SYTL2: variants seen among roughly 807,000 people sequenced by gnomAD.
SYTL2 encodes the protein synaptotagmin like 2, also known as synaptotagmin-like protein 2.
Under a neutral mutation model 198.7 loss-of-function variants are expected in SYTL2, and 165 were observed. The ratio of observed to expected loss-of-function variants is 0.83; its 90% CI spans 0.73 to 0.94. The LOEUF (loss-of-function observed/expected upper bound fraction) is 0.94, where lower values mean the gene tolerates loss of function less well. Among genes scored for constraint, SYTL2 ranks in the 40% least tolerant of loss-of-function variants. The pLI is 0.00. For synonymous variants in SYTL2, 966 were observed against 917.7 expected (o/e 1.05, Z -0.95); for missense variants, 2,835 against 2,582.8 (o/e 1.10, Z -2.12).
At chr11:85,730,971 G>A (rs2089756318) in intron 7 of SYTL2, among the ~76,000 whole-genome samples, 1 of 152,166 alleles carries the variant, frequency 6.6e-6, no homozygotes, top group Non-Finnish European at 1.5e-5. Context: ...AATCATGAGT[G>A]AACTCCCATT....
rs1388200791 is a variant in SYTL2, at chr11:85,724,723, C to T, written c.4635G>A (p.Glu1545=). 6 of 1,614,024 alleles carry T rather than the reference C, an allele frequency of 3.7e-6. No individual in the cohort carries two copies. Among genetic ancestry groups the T allele is most frequent in the Middle Eastern group, 1.6e-4 (1 of 6,062 alleles). Residue 1545 remains glutamate, a synonymous_variant, in exon 8 of 20, where the codon GAG becomes GAA. Coordinates refer to ENST00000359152, the MANE Select transcript of SYTL2 (RefSeq NM_206927.4). The part of the protein sequence containing the change: ...PRRATSECHP[E]ELKETVEKAE... The stretch of plus-strand genomic sequence containing the variant: ...CCTTTTCTACTGTTTCTTTTAATTC[C>T]TCAGGATGGCATTCAGAAGTGGCTC...
intron 1 of SYTL2, among the ~76,000 whole-genome samples, chr11:85,793,391 A>G (rs1387803296): frequency 2.0e-5 from 3 of 152,206 alleles, no homozygotes; most frequent in Non-Finnish European, 4.4e-5. Flanking sequence ...GATGGTGAGC[A>G]TAGTTTCAGA....
intron 16 of SYTL2, 63 bp downstream of exon 16, chr11:85,704,795 T>C: frequency 7.2e-7 from 1 of 1,380,172 alleles, no homozygotes. Context: ...AATTAAGCTT[T>C]TTCCTATACA....
intron 18 of SYTL2, 73 bp downstream of exon 18, chr11:85,697,906 T>C: frequency 2.2e-6 from 2 of 898,428 alleles, no homozygotes; most frequent in Non-Finnish European, 3.7e-6. Flanking sequence ...GTATTACAGA[T>C]ATAGAGAACC....
the SYTL2 span, among the ~76,000 whole-genome samples, chr11:85,823,890 G>C: frequency 1.3e-5 from 2 of 152,198 alleles, no homozygotes; most frequent in Non-Finnish European, 1.5e-5. Context: ...CTGACTACAG[G>C]ATGCTGTGGT....
intron 15 of SYTL2, among the ~76,000 whole-genome samples, chr11:85,707,206 C>A (rs2085318199): frequency 6.6e-6 from 1 of 152,188 alleles, no homozygotes; most frequent in Non-Finnish European, 1.5e-5. Context: ...CTGTGAGATG[C>A]AGATACCAAT....
Position 85,726,634 on chromosome 11 carries a change from A to G in SYTL2, c.2724T>C (p.Asn908=). 1 of 1,538,446 alleles carries G rather than the reference A, an allele frequency of 6.5e-7. No homozygotes were observed. Among genetic ancestry groups the G allele is most frequent in the Non-Finnish European group, 8.7e-7 (1 of 1,147,830 alleles). ...CCACTTGTGATCTTTTTATAGGCTCATTTTTCTTATTCTGAAACAGAGACA... is the reference window on the plus strand; with the variant it reads ...CCACTTGTGATCTTTTTATAGGCTCGTTTTTCTTATTCTGAAACAGAGACA... ...DKVSLFQNKK[N]EPIKRSQVAD... Residue 908 remains asparagine (N), a synonymous_variant, in exon 8 of 20, where the codon AAT becomes AAC. Coordinates refer to ENST00000359152, the MANE Select transcript of SYTL2 (RefSeq NM_206927.4).
At chr11:85,837,218 A>T in the SYTL2 span, among the ~76,000 whole-genome samples, 1 of 152,208 alleles carries the variant, frequency 6.6e-6, no homozygotes, top group Admixed American at 6.5e-5. Context: ...GCCCTAACCC[A>T]CAATGTGATT....
chr11:85,727,779 T>C lies in SYTL2; in HGVS notation c.1579A>G (p.Asn527Asp). The C allele has an allele frequency of 1.3e-6, 2 of 1,584,522 alleles. No individual in the cohort carries two copies. Among genetic ancestry groups the C allele is most frequent in the Non-Finnish European group, 1.7e-6 (2 of 1,164,714 alleles). ...TTGTCATCTGAATAAGAACTTCGGT[T>C]AAACCAGTCTAGAACTTTAAATATG... ...DSIFKVLDWF[N>D]RSSYSDDNKS... The change falls in exon 8 of 20, where the codon AAC becomes GAC. Residue 527 changes from asparagine to aspartate, a missense_variant. Physicochemically the swap from Asn to Asp is conservative, Grantham distance 23. This residue lies in a region of SYTL2 where 2,645 missense variants were observed against 2,381.7 expected (regional missense o/e 1.11). Coordinates refer to ENST00000359152, the MANE Select transcript of SYTL2 (RefSeq NM_206927.4).
chr11:85,738,451 GA>G (rs2090528942), intron 4 of SYTL2, among the ~76,000 whole-genome samples: 1 of 152,104 alleles, frequency 6.6e-6, no homozygotes, highest in South Asian at 2.1e-4. Context: ...GGATGGGAGG[GA>G]AAGGGGAGGG....
chr11:85,722,170 ATTTTT>A (rs574669583), intron 8 of SYTL2, among the ~76,000 whole-genome samples: 31 of 94,632 alleles, frequency 3.3e-4, no homozygotes, highest in East Asian at 9.3e-4. Context: ...TGTTTAGGTG[ATTTTT>A]TTTTTTTTTT....
At chr11:85,735,564 C>T (rs1017124544) in intron 6 of SYTL2, among the ~76,000 whole-genome samples, 14 of 152,246 alleles carry the variant, frequency 9.2e-5, no homozygotes, top group African/African-American at 3.1e-4. Flanking sequence ...TGAGACCAGC[C>T]TGGCCAAAAG....
chr11:85,781,288 A>T (rs781451372), intron 1 of SYTL2, among the ~76,000 whole-genome samples: 3 of 152,172 alleles, frequency 2.0e-5, no homozygotes, highest in Non-Finnish European at 4.4e-5. Flanking sequence ...AGATCTTGTA[A>T]GAACTGACTC....
At chr11:85,731,628 C>G (rs376636358) in intron 7 of SYTL2, among the ~76,000 whole-genome samples, 1 of 152,110 alleles carries the variant, frequency 6.6e-6, no homozygotes, top group South Asian at 2.1e-4. Context: ...ACCATAAAAA[C>G]CCTAGAAGAA....
the SYTL2 span, among the ~76,000 whole-genome samples, chr11:85,846,707 G>T: frequency 6.7e-6 from 1 of 149,396 alleles, no homozygotes; most frequent in Non-Finnish European, 1.5e-5. Context: ...GATTACAGAG[G>T]TGAGTCACCA....
the SYTL2 span, among the ~76,000 whole-genome samples, chr11:85,817,346 C>A: frequency 6.6e-6 from 1 of 152,152 alleles, no homozygotes; most frequent in Non-Finnish European, 1.5e-5. Flanking sequence ...AAATGGTAGC[C>A]ACCAGCCCCC....
intron 16 of SYTL2, among the ~76,000 whole-genome samples, chr11:85,703,291 C>T (rs1242438212): frequency 2.6e-5 from 4 of 152,134 alleles, no homozygotes. Flanking sequence ...AAGCAGCTCA[C>T]TGAACCCCAA....
chr11:85,797,317 T>C (rs2092817639), intron 1 of SYTL2, among the ~76,000 whole-genome samples: 1 of 152,166 alleles, frequency 6.6e-6, no homozygotes, highest in Non-Finnish European at 1.5e-5. Context: ...TCTATACAAA[T>C]GTTATATTAG....
At chr11:85,705,990 A>G (rs990403488) in intron 15 of SYTL2, among the ~76,000 whole-genome samples, 1 of 152,250 alleles carries the variant, frequency 6.6e-6, no homozygotes, top group Non-Finnish European at 1.5e-5. Context: ...GTTTTCAGAA[A>G]GAGGGAATGA....
Sources: allele counts gnomAD v4.1 joint callset (sites outside exome capture counted in the v4.1 genomes callset), GRCh38; gene constraint gnomAD v4.1.1; regional missense constraint gnomAD v4.1.1; transcripts MANE v1.5; gene names NCBI Gene and HGNC (gene_info 2026-07-23, HGNC 2026-07-21).